The following TMEM156 variants were observed in gnomAD, a reference collection of about 807,000 sequenced individuals.
TMEM156 encodes the protein transmembrane protein 156.
Under a neutral mutation model 30.5 loss-of-function variants are expected in TMEM156, and 28 were observed. The ratio of observed to expected loss-of-function variants is 0.92; its 90% CI spans 0.68 to 1.26. TMEM156 has a LOEUF of 1.26. Ranked by LOEUF, TMEM156 falls within the 50% of genes most tolerant of loss-of-function variation. The pLI, the probability that TMEM156 is intolerant of heterozygous loss-of-function variation, is 0.00. For synonymous variants in TMEM156, 137 were observed against 119.9 expected (o/e 1.14, Z -0.93); for missense variants, 351 against 340.6 (o/e 1.03, Z -0.24).
chr4:39,001,602 T>C (rs1437428009), intron 1 of TMEM156, among the ~76,000 whole-genome samples: 1 of 151,278 alleles, frequency 6.6e-6, no homozygotes, highest in Non-Finnish European at 1.5e-5. Context: ...AGAACAAAGC[T>C]GGAGGCATCA....
chr4:38,996,497 A>AG (rs1712948035), intron 2 of TMEM156, among the ~76,000 whole-genome samples: 3 of 151,978 alleles, frequency 2.0e-5, no homozygotes, highest in Admixed American at 1.3e-4. Flanking sequence ...GCTTGAAACT[A>AG]GGAGGCAGAG....
intron 5 of TMEM156, among the ~76,000 whole-genome samples, chr4:38,982,310 G>C (rs1711630564): frequency 6.6e-6 from 1 of 152,144 alleles, no homozygotes; most frequent in Non-Finnish European, 1.5e-5. Context: ...GTGATTACGT[G>C]AGTCAATACT....
intron 1 of TMEM156, among the ~76,000 whole-genome samples, chr4:39,002,427 CTG>C (rs1183840987): frequency 7.4e-6 from 1 of 135,410 alleles, no homozygotes; most frequent in African/African-American, 2.6e-5. Context: ...CACTTTTACA[CTG>C]TTGGTGGGAC....
chr4:39,025,071 G>A (rs994402135), intron 1 of TMEM156, among the ~76,000 whole-genome samples: 1 of 152,052 alleles, frequency 6.6e-6, no homozygotes, highest in African/African-American at 2.4e-5. Flanking sequence ...GGAATAGGCC[G>A]GGTGCGGTGG....
chr4:38,984,237 G>A (rs1016834070), intron 5 of TMEM156, among the ~76,000 whole-genome samples: 10 of 152,058 alleles, frequency 6.6e-5, no homozygotes, highest in African/African-American at 9.7e-5. Context: ...TGGTGCCTGC[G>A]TCCTGGTAAT....
intron 5 of TMEM156, among the ~76,000 whole-genome samples, chr4:38,983,299 G>A (rs754037045): frequency 9.9e-5 from 15 of 152,152 alleles, no homozygotes; most frequent in Non-Finnish European, 1.2e-4. Flanking sequence ...TCTATCATTT[G>A]CATCCAACGA....
intron 1 of TMEM156, among the ~76,000 whole-genome samples, chr4:38,999,899 C>T (rs1222048091): frequency 1.3e-5 from 2 of 152,154 alleles, no homozygotes; most frequent in African/African-American, 4.8e-5. Flanking sequence ...TCTGTAAAGA[C>T]CCTTTTTCCT....
chr4:39,028,351 G>T (rs1160740029), intron 1 of TMEM156: 2 of 152,192 alleles, frequency 1.3e-5, no homozygotes, highest in Non-Finnish European at 2.9e-5. Flanking sequence ...TTGCAAGCAG[G>T]TAAGAAGGAA....
intron 1 of TMEM156, among the ~76,000 whole-genome samples, chr4:39,000,438 A>G (rs1713260909): frequency 6.6e-6 from 1 of 152,210 alleles, no homozygotes; most frequent in Non-Finnish European, 1.5e-5. Context: ...GTCATTAGTC[A>G]AGATACTTAG....
intron 5 of TMEM156, among the ~76,000 whole-genome samples, chr4:38,984,166 C>T (rs371615542): frequency 6.6e-6 from 1 of 152,208 alleles, no homozygotes; most frequent in East Asian, 1.9e-4. Context: ...CTTTCTACAG[C>T]AGCAGGATGC....
intron 4 of TMEM156, among the ~76,000 whole-genome samples, chr4:38,987,580 A>G (rs1362634141): frequency 6.6e-6 from 1 of 152,360 alleles, no homozygotes; most frequent in East Asian, 1.9e-4. Context: ...AATGGCTAAC[A>G]CAGCCTTGCC....
chr4:38,971,406 T>A (rs979885184), intron 5 of TMEM156, among the ~76,000 whole-genome samples: 3 of 152,204 alleles, frequency 2.0e-5, no homozygotes, highest in Non-Finnish European at 4.4e-5. Context: ...CAGTGTCAAG[T>A]AGCAAGCAAA....
In TMEM156 at chr4:38,968,359, G is replaced by A. The variant is rs147009855; in HGVS notation, c.*39-718C>T. 4.1e-3 allele frequency among the ~76,000 whole-genome samples: 625 copies of A among 152,298 alleles called. 1 individual carries two copies. Among genetic ancestry groups the A allele is most frequent in the African/African-American group, 0.014 (594 of 41,566 alleles). ...CTAAACGCTAGGCATCATGTCCTCT[G>A]AAGGAGGAGTCTCTCTATCGTGCTC... is the stretch of plus-strand genomic sequence containing the variant. On this transcript the variant is annotated intron_variant, in intron 6 of 6. Coordinates refer to ENST00000381938, the MANE Select transcript of TMEM156 (RefSeq NM_024943.3).
chr4:39,012,290 A>G (rs1417648576), intron 1 of TMEM156, among the ~76,000 whole-genome samples: 2 of 152,224 alleles, frequency 1.3e-5, no homozygotes, highest in East Asian at 3.8e-4. Context: ...ATTTATTTGC[A>G]AATTACTATA....
Position 38,967,283 on chromosome 4 carries a change from G to C in TMEM156, c.*397C>G, listed in dbSNP as rs866088349. 2 of 151,986 alleles carry C rather than the reference G, an allele frequency of 1.3e-5. No individual in the cohort carries two copies. The highest frequency in any genetic ancestry group is 2.4e-5 in the African/African-American group (1 of 41,386). The allele number at this position is 151,986 out of a possible 1,614,324, so 9.4% of individuals were successfully genotyped here. On this transcript the variant is annotated 3_prime_UTR_variant, in exon 7 of 7. Coordinates refer to ENST00000381938, the MANE Select transcript of TMEM156 (RefSeq NM_024943.3). ...TACAATGTGGCCCAATAAAAGAAAG[G>C]GTTTTCATATTTGATCCTGTTTTTG...
intron 1 of TMEM156, among the ~76,000 whole-genome samples, chr4:39,018,481 A>G (rs952562607): frequency 3.0e-4 from 46 of 152,104 alleles, no homozygotes; most frequent in Admixed American, 2.2e-3. Context: ...CTGGGATTAC[A>G]TTCCTTCTCC....
At chr4:39,025,040 G>T (rs941132196) in intron 1 of TMEM156, among the ~76,000 whole-genome samples, 1 of 151,996 alleles carries the variant, frequency 6.6e-6, no homozygotes. Context: ...TTTGGTCACA[G>T]GTCTGCCTTC....
At chr4:39,017,920 GCT>G (rs1314256708) in intron 1 of TMEM156, among the ~76,000 whole-genome samples, 19 of 152,132 alleles carry the variant, frequency 1.2e-4, no homozygotes, top group African/African-American at 4.6e-4. Flanking sequence ...TCCGGAAATT[GCT>G]TTTTTAATCT....
intron 5 of TMEM156, among the ~76,000 whole-genome samples, chr4:38,975,744 C>A (rs73808913): frequency 0.049 from 7,442 of 152,108 alleles, 640 homozygotes; most frequent in African/African-American, 0.17. Flanking sequence ...AGTCCCACCC[C>A]CCTGATGTGC....
Sources: gnomAD v4.1 joint callset for allele counts (sites outside exome capture counted in the v4.1 genomes callset) on GRCh38, gnomAD v4.1.1 for gene constraint, MANE v1.5 for transcripts, NCBI Gene and HGNC (gene_info 2026-07-23, HGNC 2026-07-21) for gene names.